RPAP1: variants seen among roughly 807,000 people sequenced by gnomAD.
RPAP1 encodes the protein RNA polymerase II-associated protein 1.
In RPAP1, 109 loss-of-function variants were observed where a neutral mutation model predicts 142.4. That is an observed-to-expected ratio of 0.77 (90% CI 0.66 to 0.90). RPAP1 has a LOEUF of 0.90. Among genes scored for constraint, RPAP1 ranks in the 40% least tolerant of loss-of-function variants. RPAP1 has a pLI of 0.00. For synonymous variants in RPAP1, 704 were observed against 738.9 expected (o/e 0.95, Z 0.77); for missense variants, 1,546 against 1,751.7 (o/e 0.88, Z 2.10).
At chr15:41,527,789 G>A (rs1165400433) in intron 11 of RPAP1, 71 bp downstream of exon 11, 23 of 1,579,576 alleles carry the variant, frequency 1.5e-5, no homozygotes, top group Non-Finnish European at 1.7e-5. Context: ...TAGCAATGGG[G>A]CCATGCCCAG....
rs559927602 is a variant in RPAP1, at chr15:41,537,790, G to A, written c.-76-589C>T. ...CCCAGCTACCTGGGAGGCTGAGACA[G>A]GAGAATCGCTTGAACCTGGGAGATG... On this transcript the variant is annotated intron_variant, in intron 1 of 24. Transcript: ENST00000304330. 3.3e-5 allele frequency among the ~76,000 whole-genome samples: 5 copies of A among 151,732 alleles called. No individual in the cohort carries two copies. In the East Asian group the frequency reaches 9.7e-4, roughly 29 times the overall value.
intron 2 of RPAP1, 80 bp from the exon 3 acceptor site, chr15:41,536,729 T>G: frequency 6.5e-7 from 1 of 1,536,034 alleles, no homozygotes; most frequent in South Asian, 1.2e-5. Context: ...GAAAGACAGC[T>G]GCCATGGGGC....
Position 41,534,849 on chromosome 15 carries a change from C to G in RPAP1, c.628G>C (p.Val210Leu). 6.2e-7 allele frequency: 1 copy of G among 1,614,216 alleles called. No homozygotes were observed. The highest frequency in any genetic ancestry group is 8.5e-7 in the Non-Finnish European group (1 of 1,180,040). Reference sequence around the variant, plus strand: ...TGATCCCTGAGCCCCTTCCCTGTGACCAGATTGGGTCCCTGAAAGCTGTGG... The same window carrying G: ...TGATCCCTGAGCCCCTTCCCTGTGAGCAGATTGGGTCCCTGAAAGCTGTGG... ...SSHSFQGPNLVTGKGLRDQEA... is the reference protein window; with the variant it reads ...SSHSFQGPNLLTGKGLRDQEA... Residue 210 changes from valine to leucine, a missense_variant, in exon 6 of 25, where the codon GTC becomes CTC. Coordinates refer to ENST00000304330, the MANE Select transcript of RPAP1 (RefSeq NM_015540.4).
At position 41,517,987 on chromosome 15, in the gene RPAP1, A is replaced by C. The variant is rs367703626; in HGVS notation, c.3972+19T>G. 22 of 1,613,960 alleles carry C rather than the reference A, an allele frequency of 1.4e-5. No individual in the cohort carries two copies. Among genetic ancestry groups the C allele is most frequent in the Non-Finnish European group, 1.8e-5 (21 of 1,179,956 alleles). On this transcript the variant is annotated intron_variant, in intron 23 of 24. Transcript: ENST00000304330. ...TTGCTAGCTCCCTTCCTTCCTCTGA[A>C]GATGGAGATGTAACTTACTGAGCTC...
chr15:41,540,708 C>T (rs2051963808), intron 1 of RPAP1, among the ~76,000 whole-genome samples: 1 of 152,150 alleles, frequency 6.6e-6, no homozygotes, highest in African/African-American at 2.4e-5. Context: ...AGGATTCAAT[C>T]CCAGTCAGTC....
chr15:41,522,797 G>C lies in RPAP1; in HGVS notation c.2710C>G (p.Leu904Val), dbSNP rs2051742434. The change falls in exon 19 of 25, where the codon CTG becomes GTG. Residue 904 changes from leucine (L) to valine (V), a missense_variant. Physicochemically the swap from Leu to Val is conservative, Grantham distance 32. Around this residue, in one of 3 missense-constraint regions of RPAP1, gnomAD observed 1,333 missense variants for 1,486.6 expected, o/e 0.90. Coordinates refer to ENST00000304330, the MANE Select transcript of RPAP1 (RefSeq NM_015540.4). ...LTALLSLLNT[L>V]AQIHKGLCGQ... ...CACAGCCCCTTGTGGATCTGGGCCAGGGTATTAAGAAGAGAGAGGAGGGCA... is the reference window on the plus strand; with the variant it reads ...CACAGCCCCTTGTGGATCTGGGCCACGGTATTAAGAAGAGAGAGGAGGGCA... 4 of 1,578,190 alleles carry C rather than the reference G, an allele frequency of 2.5e-6. No individual in the cohort carries two copies. The highest frequency in any genetic ancestry group is 1.4e-5 in the African/African-American group (1 of 72,334).
At chr15:41,529,413 C>A in intron 9 of RPAP1, 57 bp downstream of exon 9, 1 of 1,159,628 alleles carries the variant, frequency 8.6e-7, no homozygotes, top group South Asian at 1.3e-5. Flanking sequence ...GACCAGAGAT[C>A]CTTTTCCATG....
rs781047677 is a variant in RPAP1, at chr15:41,527,893, A to T, written c.1395T>A (p.Ala465=). The change falls in exon 11 of 25, where the codon GCT becomes GCA. Residue 465 remains alanine, a synonymous_variant. Coordinates refer to ENST00000304330, the MANE Select transcript of RPAP1 (RefSeq NM_015540.4). ...CAGGAGCCACCAGCAGAGCCCGAAG[A>T]GCACGGATGGCGGTTGCAATGACCC... ...VDGVIATAIR[A]LRALLVAPGD... is the part of the protein sequence containing the mutation. 8 of 1,614,088 alleles carry T rather than the reference A, an allele frequency of 5.0e-6. No homozygotes were observed. In the Middle Eastern group the frequency reaches 9.9e-4, roughly 200 times the overall value.
intron 1 of RPAP1, among the ~76,000 whole-genome samples, chr15:41,538,334 T>A (rs1373237597): frequency 6.6e-6 from 1 of 152,176 alleles, no homozygotes; most frequent in Non-Finnish European, 1.5e-5. Context: ...TACTACAGCC[T>A]CAAACTCCTG....
intron 23 of RPAP1, 37 bp from the exon 24 acceptor site, chr15:41,517,894 G>C (rs144377697): frequency 6.2e-7 from 1 of 1,613,840 alleles, no homozygotes; most frequent in African/African-American, 1.3e-5. Flanking sequence ...ACTGAGCCGA[G>C]GGCTGGTACC....
intron 17 of RPAP1, 76 bp from the exon 18 acceptor site, chr15:41,523,430 C>T: frequency 1.0e-6 from 1 of 962,744 alleles, no homozygotes; most frequent in Non-Finnish European, 1.6e-6. Context: ...CAGGCCAATG[C>T]CACCATCCCA....
chr15:41,520,497 G>GC lies in RPAP1; in HGVS notation c.3688dup (p.Ala1230GlyfsTer49). 1.2e-6 allele frequency: 2 copies of GC among 1,614,106 alleles called. No individual in the cohort carries two copies. The highest frequency in any genetic ancestry group is 1.7e-6 in the Non-Finnish European group (2 of 1,179,996). On this transcript the variant is annotated frameshift_variant, in exon 22 of 25. Coordinates refer to ENST00000304330, the MANE Select transcript of RPAP1 (RefSeq NM_015540.4). LOFTEE classifies it high-confidence loss of function. ...ACGCTGCAGGGGCAGGAGGACCAGG[G>GC]CCCCAAAGAGGTGGTCCCCAAAAGA...
intron 1 of RPAP1, among the ~76,000 whole-genome samples, chr15:41,540,706 AT>A (rs2051963787): frequency 6.6e-6 from 1 of 152,162 alleles, no homozygotes; most frequent in East Asian, 1.9e-4. Context: ...TTAGGATTCA[AT>A]CCCAGTCAGT....
chr15:41,520,390 C>G lies in RPAP1; in HGVS notation c.3795+1G>C, dbSNP rs2051711559. On this transcript the variant is annotated splice_donor_variant, in intron 22 of 24. Coordinates refer to ENST00000304330, the MANE Select transcript of RPAP1 (RefSeq NM_015540.4). LOFTEE classifies it high-confidence loss of function. ...CAGGTCCTGCTGGGCTGAGAAAGTA[C>G]CTGGGTCAGAGGCAGGCTCAGAGCT... The G allele has an allele frequency of 1.2e-6, 2 of 1,613,418 alleles. No homozygotes were observed. Among genetic ancestry groups the G allele is most frequent in the Non-Finnish European group, 1.7e-6 (2 of 1,179,672 alleles).
chr15:41,519,215 TTTC>T (rs2051700084), intron 22 of RPAP1, among the ~76,000 whole-genome samples: 1 of 151,876 alleles, frequency 6.6e-6, no homozygotes, highest in Non-Finnish European at 1.5e-5. Flanking sequence ...CTTTTTTATT[TTTC>T]TTTTTTGAGA....
Position 41,534,707 on chromosome 15 carries a change from C to G in RPAP1, c.763+7G>C. On this transcript the variant is annotated splice_region_variant and intron_variant, in intron 6 of 24. Transcript: ENST00000304330. Reference sequence around the variant, plus strand: ...CTGGTCTCAGCAGGAAAGCCAGGCACCCATACCAAGCTGGGCCAGCAACCG... The same window carrying G: ...CTGGTCTCAGCAGGAAAGCCAGGCAGCCATACCAAGCTGGGCCAGCAACCG... 6.2e-7 allele frequency: 1 copy of G among 1,612,034 alleles called. No individual in the cohort carries two copies. Among genetic ancestry groups the G allele is most frequent in the Non-Finnish European group, 8.5e-7 (1 of 1,178,764 alleles).
chr15:41,528,235 C>T lies in RPAP1; in HGVS notation c.1260G>A (p.Arg420=), dbSNP rs1301104095. 1 of 1,603,966 alleles carries T rather than the reference C, an allele frequency of 6.2e-7. No individual in the cohort carries two copies. The highest frequency in any genetic ancestry group is 2.2e-5 in the East Asian group (1 of 44,668). Residue 420 remains arginine, a splice_region_variant and synonymous_variant, in exon 10 of 25, where the codon AGG becomes AGA. Transcript: ENST00000304330. The stretch of plus-strand genomic sequence containing the variant: ...AGGACCAGGCTGGCAATCCACTCAC[C>T]CTGCTGATGACCTGGGCTAACACAT... ...ALHVLAQVIS[R]AQAGEFGDRL...
rs148774789 is a variant in RPAP1, at chr15:41,521,050, C to T, written c.3136G>A (p.Ala1046Thr). 370 of 1,582,968 alleles carry T rather than the reference C, an allele frequency of 2.3e-4. 2 individuals carry two copies. The highest frequency in any genetic ancestry group is 2.5e-4 in the Non-Finnish European group (286 of 1,165,282). The change falls in exon 22 of 25, where the codon GCT becomes ACT. Residue 1046 changes from alanine to threonine, a missense_variant. Transcript: ENST00000304330. The part of the protein sequence containing the change: ...VPRCGQGTLL[A>T]QACQDLPSIR... Reference sequence around the variant, plus strand: ...CTGGGGAGGTCCTGGCAGGCCTGAGCCAGCAGAGTCCCTTGCCCACACCGA... The same window carrying T: ...CTGGGGAGGTCCTGGCAGGCCTGAGTCAGCAGAGTCCCTTGCCCACACCGA...
At chr15:41,531,627 ATTTTTTTTTTTTT>A (rs150550154) in intron 6 of RPAP1, among the ~76,000 whole-genome samples, 48 of 21,976 alleles carry the variant, frequency 2.2e-3, no homozygotes, top group Non-Finnish European at 3.5e-3. Context: ...ATATATATAT[ATTTTTTTTTTTTT>A]TTTTTTTTTT....
Sources: gnomAD v4.1 joint callset for allele counts (sites outside exome capture counted in the v4.1 genomes callset) on GRCh38, gnomAD v4.1.1 for gene constraint, gnomAD v4.1.1 regional missense constraint, MANE v1.5 for transcripts, NCBI Gene and HGNC (gene_info 2026-07-23, HGNC 2026-07-21) for gene names.